Variants in GRM8 observed in about 807,000 individuals in gnomAD.
GRM8 encodes the protein metabotropic glutamate receptor 8.
In GRM8, 47 loss-of-function variants were observed where a neutral mutation model predicts 87.2. That is an observed-to-expected ratio of 0.54 (90% confidence interval 0.43 to 0.69). The LOEUF (loss-of-function observed/expected upper bound fraction) is 0.69, where lower values mean the gene tolerates loss of function less well. GRM8 is among the 30% of genes least tolerant of loss of function. The pLI, the probability that GRM8 is intolerant of heterozygous loss-of-function variation, is 0.00. For missense variants in GRM8, 1,019 were observed against 1,139.2 expected (o/e 0.89, Z 1.52); for synonymous variants, 396 against 404.5 (o/e 0.98, Z 0.25).
intron 2 of GRM8, among the ~76,000 whole-genome samples, chr7:127,184,421 A>G (rs1001893396): frequency 6.6e-6 from 1 of 151,916 alleles, no homozygotes; most frequent in Non-Finnish European, 1.5e-5. Context: ...ATTACTTGGT[A>G]CAGAAAAGGC....
intron 2 of GRM8, among the ~76,000 whole-genome samples, chr7:127,161,557 T>C (rs1793117364): frequency 6.6e-6 from 1 of 152,184 alleles, no homozygotes; most frequent in East Asian, 1.9e-4. Context: ...TGTGTGTCCA[T>C]GCATACACTT....
intron 8 of GRM8, among the ~76,000 whole-genome samples, chr7:126,551,175 C>G (rs1273441358): frequency 6.6e-6 from 1 of 152,184 alleles, no homozygotes. Context: ...CCTTTAGAAG[C>G]AATGTTTTAT....
chr7:126,753,306 A>C (rs999600700), intron 7 of GRM8, among the ~76,000 whole-genome samples: 1 of 151,828 alleles, frequency 6.6e-6, no homozygotes, highest in African/African-American at 2.4e-5. Context: ...TCTGTTGTCA[A>C]ATGGCATAAT....
intron 9 of GRM8, among the ~76,000 whole-genome samples, chr7:126,513,195 A>T (rs139762459): frequency 1.2e-3 from 188 of 151,362 alleles, no homozygotes; most frequent in African/African-American, 3.8e-3. Flanking sequence ...TCTTGTTTTT[A>T]AAAAAAAAGA....
intron 9 of GRM8, among the ~76,000 whole-genome samples, chr7:126,478,825 C>T (rs1806306951): frequency 6.6e-6 from 1 of 151,918 alleles, no homozygotes; most frequent in Non-Finnish European, 1.5e-5. Context: ...TATTGGGGTT[C>T]CTAGTTTTCA....
intron 7 of GRM8, among the ~76,000 whole-genome samples, chr7:126,742,462 G>A (rs562617934): frequency 1.3e-5 from 2 of 151,972 alleles, no homozygotes; most frequent in South Asian, 4.2e-4. Flanking sequence ...ATCTGGGTAA[G>A]CATTTCAAGG....
chr7:126,769,966 A>G lies in GRM8; in HGVS notation c.1256T>C (p.Met419Thr). The G allele has an allele frequency of 6.2e-7, 1 of 1,612,542 alleles. No individual in the cohort carries two copies. The highest frequency in any genetic ancestry group is 8.5e-7 in the Non-Finnish European group (1 of 1,178,786). Residue 419 changes from methionine to threonine, a missense_variant, in exon 7 of 11, where the codon ATG (methionine) becomes ACG (threonine). Met to Thr is a moderately conservative substitution (Grantham distance 81). Transcript: ENST00000339582. ...GTATCCAGGGCAGAGATCTTTGTGC[A>G]TATTGTGCAGGGCGTAAGCCATGGA... ...VYSMAYALHN[M>T]HKDLCPGYIG...
chr7:126,522,297 A>C (rs1813103345), intron 9 of GRM8, among the ~76,000 whole-genome samples: 1 of 152,022 alleles, frequency 6.6e-6, no homozygotes, highest in African/African-American at 2.4e-5. Context: ...TTCCTCAACA[A>C]ACTTGTTATT....
chr7:127,092,576 G>A (rs1824252998), intron 3 of GRM8, among the ~76,000 whole-genome samples: 1 of 152,122 alleles, frequency 6.6e-6, no homozygotes, highest in Non-Finnish European at 1.5e-5. Flanking sequence ...GTGTGGTGGT[G>A]CATGACTGTA....
intron 3 of GRM8, among the ~76,000 whole-genome samples, chr7:126,948,998 AC>A (rs1807849625): frequency 6.6e-6 from 1 of 152,342 alleles, no homozygotes; most frequent in East Asian, 1.9e-4. Context: ...TAACTGTGTG[AC>A]TTCAACAAGG....
At chr7:127,065,759 C>T (rs1369076809) in intron 3 of GRM8, among the ~76,000 whole-genome samples, 1 of 152,094 alleles carries the variant, frequency 6.6e-6, no homozygotes, top group Non-Finnish European at 1.5e-5. Context: ...AGCCCACCAG[C>T]GAAGTCTGGG....
intron 2 of GRM8, among the ~76,000 whole-genome samples, chr7:127,174,542 G>A (rs557946494): frequency 3.7e-4 from 57 of 152,136 alleles, no homozygotes; most frequent in Admixed American, 5.9e-4. Flanking sequence ...CTACCTATGC[G>A]TTTTTTCAAT....
At chr7:126,706,149 A>C (rs1810488593) in intron 7 of GRM8, among the ~76,000 whole-genome samples, 1 of 152,156 alleles carries the variant, frequency 6.6e-6, no homozygotes, top group Non-Finnish European at 1.5e-5. Context: ...TATCCATGTA[A>C]ACCTGAGAGA....
chr7:126,864,467 A>C (rs1798423157), intron 6 of GRM8, among the ~76,000 whole-genome samples: 1 of 152,018 alleles, frequency 6.6e-6, no homozygotes. Flanking sequence ...TAATTACTTA[A>C]TTAGCTGTCT....
intron 3 of GRM8, among the ~76,000 whole-genome samples, chr7:126,934,114 T>G (rs1435718143): frequency 3.9e-5 from 6 of 152,146 alleles, no homozygotes. Flanking sequence ...TTTAGAGAAA[T>G]GTGGATGGAG....
At chr7:126,957,057 C>T (rs1395434476) in intron 3 of GRM8, among the ~76,000 whole-genome samples, 2 of 152,032 alleles carry the variant, frequency 1.3e-5, no homozygotes, top group Non-Finnish European at 2.9e-5. Context: ...TTTTAAAGTT[C>T]CACAGCTGAT....
At chr7:126,527,213 C>T (rs1283014159) in intron 9 of GRM8, among the ~76,000 whole-genome samples, 1 of 152,106 alleles carries the variant, frequency 6.6e-6, no homozygotes, top group African/African-American at 2.4e-5. Flanking sequence ...ACAAAATTAG[C>T]TGGGCATAGT....
At chr7:126,911,145 T>G (rs576652887) in intron 3 of GRM8, among the ~76,000 whole-genome samples, 153 of 152,326 alleles carry the variant, frequency 1.0e-3, no homozygotes, top group African/African-American at 3.6e-3. Flanking sequence ...ACAGATCATA[T>G]TTTTGAATCT....
At chr7:126,772,689 G>C (rs749270692) in intron 6 of GRM8, among the ~76,000 whole-genome samples, 1 of 151,936 alleles carries the variant, frequency 6.6e-6, no homozygotes, top group Non-Finnish European at 1.5e-5. Flanking sequence ...TGCACACCCC[G>C]AAGAAAATCT....
Sources: gnomAD v4.1 joint callset for allele counts (sites outside exome capture counted in the v4.1 genomes callset) on GRCh38, gnomAD v4.1.1 for gene constraint, MANE v1.5 for transcripts, NCBI Gene and HGNC (gene_info 2026-07-23, HGNC 2026-07-21) for gene names.